FAP: variants seen among roughly 807,000 people sequenced by gnomAD.
FAP encodes prolyl endopeptidase FAP.
Under a neutral mutation model 126.5 loss-of-function variants are expected in FAP, and 110 were observed. The ratio of observed to expected loss-of-function variants is 0.87; its 90% CI spans 0.74 to 1.02. FAP has a LOEUF of 1.02. Ranked by LOEUF, FAP falls within the 50% of genes least tolerant of loss-of-function variation. The pLI, the probability that FAP is intolerant of heterozygous loss-of-function variation, is 0.00. For missense variants in FAP, 919 were observed against 909.2 expected (o/e 1.01, Z -0.14); for synonymous variants, 334 against 297.3 (o/e 1.12, Z -1.27).
Position 162,175,094 on chromosome 2 carries a change from T to A in FAP, c.1870-128A>T. 4.9e-6 allele frequency: 3 copies of A among 609,772 alleles called. No homozygotes were observed. The South Asian group carries it at 5.9e-5, about 12-fold the overall frequency. 37.8% of individuals were successfully genotyped at this position (609,772 alleles called of 1,614,324 possible). A position where few individuals can be genotyped will look rare whatever the true frequency, so the allele number is the denominator to read the frequency against. The stretch of plus-strand genomic sequence containing the variant: ...AGAATATGGCTAAGGGTGGATTACA[T>A]GTCTATCTTGCATCCTCGGCAGCAA... On this transcript the variant is annotated intron_variant, in intron 21 of 25. Coordinates refer to ENST00000188790, the MANE Select transcript of FAP (RefSeq NM_004460.5).
At chr2:162,198,687 C>G in intron 16 of FAP, 70 bp downstream of exon 16, 3 of 1,544,936 alleles carry the variant, frequency 1.9e-6, no homozygotes, top group South Asian at 2.3e-5. Context: ...ACGAATTGAT[C>G]AGATAGAGGT....
intron 11 of FAP, among the ~76,000 whole-genome samples, chr2:162,212,926 A>G (rs1689002691): frequency 6.6e-6 from 1 of 152,214 alleles, no homozygotes; most frequent in Non-Finnish European, 1.5e-5. Context: ...AGTAATAGAA[A>G]CAATTAAAAC....
At chr2:162,197,575 T>C (rs1209775152) in intron 16 of FAP, 3 of 456,588 alleles carry the variant, frequency 6.6e-6, no homozygotes, top group Non-Finnish European at 1.3e-5. Flanking sequence ...CTGACATCTT[T>C]GTGCTATCTT....
At chr2:162,200,495 C>G in intron 15 of FAP, 71 bp downstream of exon 15, 2 of 825,828 alleles carry the variant, frequency 2.4e-6, no homozygotes, top group Non-Finnish European at 2.0e-6. Flanking sequence ...TTTTGCATCT[C>G]CTGGGGATGA....
chr2:162,204,648 A>G (rs768740766), intron 12 of FAP, among the ~76,000 whole-genome samples: 12 of 152,264 alleles, frequency 7.9e-5, no homozygotes, highest in Middle Eastern at 6.8e-3. Context: ...TCTTCTCTTG[A>G]GTCTTCATAG....
chr2:162,209,118 C>T (rs924087174), intron 12 of FAP, among the ~76,000 whole-genome samples: 7 of 152,050 alleles, frequency 4.6e-5, no homozygotes, highest in East Asian at 1.9e-4. Flanking sequence ...ATCTTAGAAT[C>T]GATTTCTGAC....
At chr2:162,223,467 G>T (rs999680904) in intron 6 of FAP, 141 bp downstream of exon 6, 12 of 590,660 alleles carry the variant, frequency 2.0e-5, no homozygotes, top group Middle Eastern at 4.5e-4. Flanking sequence ...AGCTTTATGG[G>T]TACATACATA....
intron 16 of FAP, among the ~76,000 whole-genome samples, chr2:162,197,104 A>G (rs1688283568): frequency 6.6e-6 from 1 of 152,226 alleles, no homozygotes; most frequent in African/African-American, 2.4e-5. Flanking sequence ...ACATATATAA[A>G]TGCATGGATG....
chr2:162,237,266 C>T (rs1258912322), intron 2 of FAP, among the ~76,000 whole-genome samples: 5 of 152,136 alleles, frequency 3.3e-5, no homozygotes, highest in East Asian at 1.9e-4. Context: ...ATTTGCAGGA[C>T]GTGCAGGTTT....
intron 11 of FAP, 143 bp from the exon 12 acceptor site, chr2:162,210,139 G>T (rs1410587730): frequency 1.5e-6 from 1 of 661,198 alleles, no homozygotes; most frequent in Admixed American, 2.7e-5. Flanking sequence ...AGTTTAAAAG[G>T]ACAATATTAA....
intron 23 of FAP, 55 bp from the exon 24 acceptor site, chr2:162,173,276 T>A: frequency 7.7e-7 from 1 of 1,302,682 alleles, no homozygotes; most frequent in Non-Finnish European, 1.1e-6. Flanking sequence ...AATAGAAAAC[T>A]AGCTAAATCA....
intron 20 of FAP, among the ~76,000 whole-genome samples, chr2:162,184,680 G>C (rs913071090): frequency 1.3e-5 from 2 of 152,112 alleles, no homozygotes; most frequent in African/African-American, 4.8e-5. Context: ...TCATGGTATA[G>C]AGGAGAAAAT....
At chr2:162,182,362 T>C (rs1446758818) in intron 21 of FAP, among the ~76,000 whole-genome samples, 1 of 152,192 alleles carries the variant, frequency 6.6e-6, no homozygotes, top group Non-Finnish European at 1.5e-5. Context: ...TAAAAATGGA[T>C]GATAGGGAAG....
chr2:162,203,135 GAAAC>G lies in FAP; in HGVS notation c.1054_1057del (p.Val352GlnfsTer46). 1 of 1,608,762 alleles carries G rather than the reference GAAAC, an allele frequency of 6.2e-7. No homozygotes were observed. Among genetic ancestry groups the G allele is most frequent in the South Asian group, 1.1e-5 (1 of 90,482 alleles). On this transcript the variant is annotated frameshift_variant, in exon 13 of 26. Coordinates refer to ENST00000188790, the MANE Select transcript of FAP (RefSeq NM_004460.5). LOFTEE classifies it high-confidence loss of function. ...GGCATCATAGCTGAAAACTGGTGTTGAAACAAAGAACTGAAAAAAATTAGCAGAG... is the reference window on the plus strand; with the variant it reads ...GGCATCATAGCTGAAAACTGGTGTTGAAAGAACTGAAAAAAATTAGCAGAG...
chr2:162,180,704 T>C (rs1465756588), intron 21 of FAP, among the ~76,000 whole-genome samples: 1 of 152,132 alleles, frequency 6.6e-6, no homozygotes, highest in Non-Finnish European at 1.5e-5. Context: ...TTTGGGTGAA[T>C]AAGTGTGTGG....
chr2:162,195,583 A>T (rs1688225343), intron 16 of FAP, among the ~76,000 whole-genome samples: 1 of 152,076 alleles, frequency 6.6e-6, no homozygotes, highest in South Asian at 2.1e-4. Context: ...CACTCTCAGT[A>T]GCTGAAGAAA....
At chr2:162,238,908 A>G (rs1402246118) in intron 2 of FAP, among the ~76,000 whole-genome samples, 1 of 152,222 alleles carries the variant, frequency 6.6e-6, no homozygotes, top group Non-Finnish European at 1.5e-5. Flanking sequence ...CTTAAAAAAT[A>G]TTGATCTCTG....
intron 17 of FAP, among the ~76,000 whole-genome samples, chr2:162,191,131 C>A (rs1688025603): frequency 6.6e-6 from 1 of 151,990 alleles, no homozygotes; most frequent in African/African-American, 2.4e-5. Flanking sequence ...ATCAAGCACA[C>A]AGACTGGCTG....
At position 162,211,761 on chromosome 2, in the gene FAP, A is replaced by G. The variant is rs1688944506; in HGVS notation, c.1003-1765T>C. ...AATATAAAAGATGTTTCTTCCCCTA[A>G]CTATAAATTTCTTAATAAATCTCAC... On this transcript the variant is annotated intron_variant, in intron 11 of 25. Coordinates refer to ENST00000188790, the MANE Select transcript of FAP (RefSeq NM_004460.5). 2.0e-5 allele frequency among the ~76,000 whole-genome samples: 3 copies of G among 152,356 alleles called. No homozygotes were observed. The South Asian group carries it at 6.2e-4, about 32-fold the overall frequency.
Sources: allele counts gnomAD v4.1 joint callset (sites outside exome capture counted in the v4.1 genomes callset), GRCh38; gene constraint gnomAD v4.1.1; transcripts MANE v1.5; gene names NCBI Gene and HGNC (gene_info 2026-07-23, HGNC 2026-07-21).